ERAP1: variants seen among roughly 807,000 people sequenced by gnomAD.
The protein encoded by ERAP1 is adipocyte-derived leucine aminopeptidase.
Under a neutral mutation model 103.7 loss-of-function variants are expected in ERAP1, and 86 were observed. That is an observed-to-expected ratio of 0.83 (90% CI 0.70 to 0.99). ERAP1 has a LOEUF of 0.99. Ranked by LOEUF, ERAP1 falls within the 50% of genes least tolerant of loss-of-function variation. The pLI is 0.00. For synonymous variants in ERAP1, 398 were observed against 402.4 expected, an observed-to-expected ratio of 0.99 and a Z score of 0.13; for missense variants, 1,009 against 1,128.4, an observed-to-expected ratio of 0.89 and a Z score of 1.52.
chr5:96,801,854 CAAAAAAAAAAAAAAAAA>C (rs59332218), intron 2 of ERAP1, among the ~76,000 whole-genome samples: 1 of 54,682 alleles, frequency 1.8e-5, no homozygotes. Flanking sequence ...TCCGTCTCGA[CAAAAAAAAAAAAAAAAA>C]AAAAAAAAAA....
At position 96,790,614 on chromosome 5, in the gene ERAP1, CT is replaced by C; in HGVS notation, c.1349del (p.Glu450GlyfsTer42). The C allele has an allele frequency of 6.2e-7, 1 of 1,609,002 alleles. No homozygotes were observed. Among genetic ancestry groups the C allele is most frequent in the Non-Finnish European group, 8.5e-7 (1 of 1,175,290 alleles). On this transcript the variant is annotated frameshift_variant, in exon 9 of 19. Transcript: ENST00000443439. LOFTEE classifies it high-confidence loss of function. The stretch of plus-strand genomic sequence containing the variant: ...TTTTAAATGCGTCAGCACTAAGATA[CT>C]CCCTTAGCATATTCAGAATACAAGC... ...KGACILNMLR[E>X]YLSADAFKSG...
chr5:96,800,006 T>C (rs1441489901), intron 3 of ERAP1, among the ~76,000 whole-genome samples: 1 of 152,234 alleles, frequency 6.6e-6, no homozygotes, highest in African/African-American at 2.4e-5. Flanking sequence ...CTCCATGTTA[T>C]GATATTGCTT....
the ERAP1 span, among the ~76,000 whole-genome samples, chr5:96,829,325 G>A: frequency 9.3e-3 from 1,413 of 152,072 alleles, 28 homozygotes; most frequent in African/African-American, 0.032. Flanking sequence ...TTATAAGATC[G>A]CATCTTACAG....
chr5:96,803,476 AGTGAATGACAACT>A lies in ERAP1; in HGVS notation c.438_450del (p.Val147MetfsTer24), dbSNP rs1173610848. The stretch of plus-strand genomic sequence containing the variant: ...AAAGTCTCCGAAAGATTGCCAGCAT[AGTGAATGACAACT>A]GTGTACGGGAGCCCGACAAGGAGGG... On this transcript the variant is annotated frameshift_variant, in exon 2 of 19. Transcript: ENST00000443439. LOFTEE classifies it high-confidence loss of function. The A allele has an allele frequency of 6.2e-7, 1 of 1,613,394 alleles. No homozygotes were observed. The highest frequency in any genetic ancestry group is 1.7e-5 in the Admixed American group (1 of 59,860).
At chr5:96,866,162 T>C in the ERAP1 span, among the ~76,000 whole-genome samples, 2 of 152,218 alleles carry the variant, frequency 1.3e-5, no homozygotes, top group Non-Finnish European at 2.9e-5. Context: ...ATGCTTCCAG[T>C]GTTATGCCTT....
At chr5:96,926,112 G>A in the ERAP1 span, among the ~76,000 whole-genome samples, 2 of 151,940 alleles carry the variant, frequency 1.3e-5, no homozygotes, top group African/African-American at 2.4e-5. Context: ...GGGTTTCACC[G>A]TGTTAGCCAA....
chr5:96,907,883 CA>C, the ERAP1 span, among the ~76,000 whole-genome samples: 10,922 of 147,718 alleles, frequency 0.074, 719 homozygotes, highest in African/African-American at 0.17. Context: ...AACTCTGTCT[CA>C]AAAAAAAAAA....
chr5:96,849,450 A>C, the ERAP1 span, among the ~76,000 whole-genome samples: 1 of 152,202 alleles, frequency 6.6e-6, no homozygotes, highest in Admixed American at 6.5e-5. Context: ...TACAAAAATC[A>C]CTAGCATTTC....
chr5:96,912,592 TTC>T, the ERAP1 span: 28 of 1,540,314 alleles, frequency 1.8e-5, no homozygotes, highest in South Asian at 3.2e-4. Flanking sequence ...AAAAAAGTTT[TTC>T]TTTCATAAAA....
the ERAP1 span, among the ~76,000 whole-genome samples, chr5:96,913,089 A>C: frequency 6.6e-6 from 1 of 152,222 alleles, no homozygotes; most frequent in South Asian, 2.1e-4. Context: ...AAGATGTGTA[A>C]ATGATGCTAA....
downstream of ERAP1, chr5:96,771,814 G>A (rs982836992): frequency 3.2e-6 from 2 of 630,772 alleles, no homozygotes; most frequent in Non-Finnish European, 5.6e-6. Flanking sequence ...TCACTTTACA[G>A]TATTGGCATG....
At chr5:96,840,630 T>A in the ERAP1 span, among the ~76,000 whole-genome samples, 12 of 152,176 alleles carry the variant, frequency 7.9e-5, no homozygotes, top group Non-Finnish European at 1.6e-4. Context: ...GTTACCTGAG[T>A]GCTTAAAAAA....
the ERAP1 span, chr5:96,895,406 T>A: frequency 8.0e-7 from 1 of 1,253,378 alleles, no homozygotes; most frequent in Non-Finnish European, 1.1e-6. Flanking sequence ...TAAAGAATCA[T>A]CAATTCACTA....
At chr5:96,892,997 G>C in the ERAP1 span, among the ~76,000 whole-genome samples, 3 of 145,234 alleles carry the variant, frequency 2.1e-5, no homozygotes, top group Non-Finnish European at 4.7e-5. Context: ...GTTTCATAAA[G>C]CTGTTCTGAG....
the ERAP1 span, chr5:96,901,803 C>A: frequency 1.1e-6 from 1 of 950,896 alleles, no homozygotes; most frequent in Non-Finnish European, 1.5e-6. Context: ...GAATCAAAGG[C>A]CTAAAGTAGA....
At chr5:96,874,166 G>GAAAGAAAGAA in the ERAP1 span, among the ~76,000 whole-genome samples, 2 of 93,742 alleles carry the variant, frequency 2.1e-5, no homozygotes, top group East Asian at 2.9e-4. Context: ...AAGAAAGAAA[G>GAAAGAAAGAA]AAAGAAAGAA....
chr5:96,766,176 T>A (rs1339538525), intron 19 of ERAP1: 1 of 1,210,122 alleles, frequency 8.3e-7, no homozygotes, highest in Middle Eastern at 1.9e-4. Context: ...AGATCGGATT[T>A]ATGCTACCAA....
chr5:96,797,155 T>C lies in ERAP1; in HGVS notation c.798+20A>G. 3 of 1,613,946 alleles carry C rather than the reference T, an allele frequency of 1.9e-6. No homozygotes were observed. The highest frequency in any genetic ancestry group is 2.5e-6 in the Non-Finnish European group (3 of 1,179,934). The stretch of plus-strand genomic sequence containing the variant: ...AAACCAGAACAAGCTGGTCACCATA[T>C]GTGACAGTCATAGGCTCACCTTGAC... On this transcript the variant is annotated intron_variant, in intron 4 of 18. Coordinates refer to ENST00000443439, the MANE Select transcript of ERAP1 (RefSeq NM_001040458.3).
chr5:96,769,104 A>C (rs1348559571), intron 19 of ERAP1: 4 of 152,244 alleles, frequency 2.6e-5, no homozygotes, highest in African/African-American at 9.6e-5. Flanking sequence ...AGGAAACGTG[A>C]AATGAGTACC....
Sources: allele counts gnomAD v4.1 joint callset (sites outside exome capture counted in the v4.1 genomes callset), GRCh38; gene constraint gnomAD v4.1.1; transcripts MANE v1.5; gene names NCBI Gene and HGNC (gene_info 2026-07-23, HGNC 2026-07-21).